CBX5: variants seen among roughly 807,000 people sequenced by gnomAD.
CBX5 encodes the protein chromobox protein homolog 5.
A neutral mutation model predicts 20.7 loss-of-function variants in CBX5; 7 were observed. That is an observed-to-expected ratio of 0.34 (90% CI 0.19 to 0.63). The LOEUF is 0.63. Among genes scored for constraint, CBX5 ranks in the 30% least tolerant of loss-of-function variants. The probability of loss-of-function intolerance (pLI) is 0.75; values close to 1 mark genes in which losing one functional copy is unlikely to be tolerated. For missense variants in CBX5, 110 were observed against 224.1 expected, an observed-to-expected ratio of 0.49 and a Z score of 3.25; for synonymous variants, 78 against 77.0, an observed-to-expected ratio of 1.01 and a Z score of -0.07.
intron 4 of CBX5, among the ~76,000 whole-genome samples, chr12:54,242,418 G>A (rs990415093): frequency 4.6e-5 from 7 of 151,670 alleles, no homozygotes; most frequent in African/African-American, 1.2e-4. Context: ...CCAGCTACTC[G>A]GGAGGCTGAG....
At chr12:54,261,190 A>AC (rs1342768703) in intron 1 of CBX5, among the ~76,000 whole-genome samples, 1 of 126,188 alleles carries the variant, frequency 7.9e-6, no homozygotes, top group African/African-American at 2.7e-5. Flanking sequence ...AAACCGTCTC[A>AC]AAAAAAAAAA....
intron 3 of CBX5, among the ~76,000 whole-genome samples, chr12:54,251,541 A>T (rs1305665912): frequency 8.4e-6 from 1 of 118,570 alleles, no homozygotes; most frequent in African/African-American, 3.5e-5. Flanking sequence ...AAAAAAAAAA[A>T]TCAGCCAGGT....
chr12:54,241,982 T>C, intron 4 of CBX5, 77 bp from the exon 5 acceptor site: 9 of 1,410,186 alleles, frequency 6.4e-6, no homozygotes, highest in Non-Finnish European at 5.8e-6. Context: ...TATGTCATTA[T>C]ATGGATTTAG....
Position 54,273,114 on chromosome 12 carries a change from T to G in CBX5, c.-43+6894A>C, listed in dbSNP as rs112073977. 10 of 152,324 alleles carry G rather than the reference T, an allele frequency of 6.6e-5. 1 individual carries two copies. In the South Asian group the frequency reaches 2.1e-3, roughly 32 times the overall value. The allele number at this position is 152,324 out of a possible 1,614,324, so 9.4% of individuals were successfully genotyped here. A position where few individuals can be genotyped will look rare whatever the true frequency, so the allele number is the denominator to read the frequency against. ...GATTCTTATCTTAATCCCTTGAACC[T>G]GTAAATGTTATTTTATATAGCAAAA... is the stretch of plus-strand genomic sequence containing the variant. On this transcript the variant is annotated intron_variant, in intron 1 of 4. Coordinates refer to ENST00000209875, the MANE Select transcript of CBX5 (RefSeq NM_012117.3).
intron 1 of CBX5, among the ~76,000 whole-genome samples, chr12:54,276,140 C>T (rs984382845): frequency 1.3e-5 from 2 of 152,046 alleles, no homozygotes; most frequent in African/African-American, 4.8e-5. Context: ...GGTTTGGCTC[C>T]TATAATCTTT....
intron 3 of CBX5, among the ~76,000 whole-genome samples, chr12:54,247,258 AC>A (rs112226891): frequency 0.49 from 73,438 of 150,908 alleles, 18,957 homozygotes; most frequent in African/African-American, 0.66. Context: ...GAAAACAAAA[AC>A]AAAAAACTGG....
chr12:54,258,483 A>C (rs754572915), intron 1 of CBX5: 28 of 152,200 alleles, frequency 1.8e-4, no homozygotes, highest in Non-Finnish European at 3.5e-4. Flanking sequence ...ACTCAGGGCC[A>C]AAGGAAGAGG....
intron 1 of CBX5, chr12:54,279,151 T>A (rs1944101436): frequency 6.6e-6 from 1 of 152,230 alleles, no homozygotes; most frequent in African/African-American, 2.4e-5. Context: ...CCTACAAACA[T>A]ATTTGTCAGT....
rs369689239 is a variant in CBX5 at position 54,246,306 on chromosome 12, A to G, written c.325-91T>C. ...GCTCAACAAAACATAACCTAAGTTA[A>G]TATCTCCTGATATCATTTCTTTCAC... On this transcript the variant is annotated intron_variant, in intron 3 of 4. Transcript: ENST00000209875. 41 of 876,318 alleles carry G rather than the reference A, an allele frequency of 4.7e-5. No homozygotes were observed. In the South Asian group the frequency reaches 5.5e-4, roughly 12 times the overall value. 54.3% of individuals were successfully genotyped at this position (876,318 alleles called of 1,614,324 possible). A position where few individuals can be genotyped will look rare whatever the true frequency, so the allele number is the denominator to read the frequency against.
chr12:54,258,260 A>C (rs1243210164), intron 1 of CBX5: 1 of 152,226 alleles, frequency 6.6e-6, no homozygotes, highest in Non-Finnish European at 1.5e-5. Context: ...TTGTCCCTTC[A>C]GAGCATCCAT....
intron 2 of CBX5, 80 bp from the exon 3 acceptor site, chr12:54,252,307 A>G: frequency 2.0e-6 from 2 of 988,290 alleles, no homozygotes; most frequent in Non-Finnish European, 2.9e-6. Flanking sequence ...CTTATTTCAA[A>G]GAGGACATTC....
chr12:54,253,115 T>G (rs1178524127), intron 2 of CBX5, among the ~76,000 whole-genome samples: 1 of 151,966 alleles, frequency 6.6e-6, no homozygotes, highest in Admixed American at 6.6e-5. Context: ...TAGTGGTGGT[T>G]GCATAGCTCT....
intron 1 of CBX5, among the ~76,000 whole-genome samples, chr12:54,267,471 A>G (rs1305539290): frequency 6.6e-6 from 1 of 151,748 alleles, no homozygotes; most frequent in Non-Finnish European, 1.5e-5. Flanking sequence ...TCAACAAATC[A>G]TCCATTTTAA....
intron 1 of CBX5, among the ~76,000 whole-genome samples, chr12:54,263,458 G>A (rs542765049): frequency 5.9e-5 from 9 of 152,074 alleles, no homozygotes; most frequent in East Asian, 1.9e-4. Flanking sequence ...GAGGTAGGCC[G>A]GCACAGCGGC....
At position 54,235,226 on chromosome 12, in the gene CBX5, C is replaced by T. The variant is rs957772365; in HGVS notation, c.*6529G>A. ...ATCAGACTGTTTCTTAACCCAGCTA[C>T]GCTTCGATGATTAAATCTGAGACTC... On this transcript the variant is annotated 3_prime_UTR_variant, in exon 5 of 5. Transcript: ENST00000209875. 6 of 152,174 alleles carry T rather than the reference C, an allele frequency of 3.9e-5. No individual in the cohort carries two copies. Among genetic ancestry groups the T allele is most frequent in the African/African-American group, 1.4e-4 (6 of 41,442 alleles). The allele number at this position is 152,174 out of a possible 1,614,324, so 9.4% of individuals were successfully genotyped here. A position where few individuals can be genotyped will look rare whatever the true frequency, so the allele number is the denominator to read the frequency against.
intron 3 of CBX5, among the ~76,000 whole-genome samples, chr12:54,248,603 G>A (rs983078037): frequency 6.6e-6 from 1 of 152,164 alleles, no homozygotes; most frequent in Non-Finnish European, 1.5e-5. Flanking sequence ...GAAGTTCCCA[G>A]ATGTGCACAC....
chr12:54,247,611 G>A (rs1037515406), intron 3 of CBX5, among the ~76,000 whole-genome samples: 1 of 152,044 alleles, frequency 6.6e-6, no homozygotes, highest in African/African-American at 2.4e-5. Context: ...TCTAGACAAG[G>A]AGCACAGGTT....
chr12:54,260,716 G>T (rs1477625831), intron 1 of CBX5, among the ~76,000 whole-genome samples: 1 of 152,028 alleles, frequency 6.6e-6, no homozygotes, highest in African/African-American at 2.4e-5. Flanking sequence ...TTGAGAAAAG[G>T]AGTACTAGGA....
At position 54,232,201 on chromosome 12, in the gene CBX5, G is replaced by C. The variant is rs1468210504; in HGVS notation, c.*9554C>G. The C allele has an allele frequency of 6.6e-6, 1 of 152,024 alleles. No homozygotes were observed. The highest frequency in any genetic ancestry group is 1.5e-5 in the Non-Finnish European group (1 of 68,016). The allele number at this position is 152,024 out of a possible 1,614,324, so 9.4% of individuals were successfully genotyped here. A position where few individuals can be genotyped will look rare whatever the true frequency, so the allele number is the denominator to read the frequency against. On this transcript the variant is annotated 3_prime_UTR_variant, in exon 5 of 5. Coordinates refer to ENST00000209875, the MANE Select transcript of CBX5 (RefSeq NM_012117.3). Reference sequence around the variant, plus strand: ...AGTGCCTTCCCCAACAACATCCTAAGTAAGTCTGGACTAGTAAGATTCCAA... The same window carrying C: ...AGTGCCTTCCCCAACAACATCCTAACTAAGTCTGGACTAGTAAGATTCCAA...
Sources: allele counts gnomAD v4.1 joint callset (sites outside exome capture counted in the v4.1 genomes callset), GRCh38; gene constraint gnomAD v4.1.1; transcripts MANE v1.5; gene names NCBI Gene and HGNC (gene_info 2026-07-23, HGNC 2026-07-21).